Variants in FSTL4 observed in about 807,000 individuals in gnomAD.
FSTL4 encodes follistatin like 4.
A neutral mutation model predicts 78.2 loss-of-function variants in FSTL4; 28 were observed. The observed-to-expected ratio is 0.36, with a 90% CI of 0.27 to 0.49. FSTL4 has a LOEUF of 0.49. Ranked by LOEUF, FSTL4 falls within the 20% of genes least tolerant of loss-of-function variation. The pLI is 0.98. For synonymous variants in FSTL4, 422 were observed against 440.5 expected (o/e 0.96, Z 0.53); for missense variants, 922 against 1,084.9 (o/e 0.85, Z 2.11).
chr5:133,498,957 C>T (rs1357784868), intron 3 of FSTL4, among the ~76,000 whole-genome samples: 1 of 151,732 alleles, frequency 6.6e-6, no homozygotes, highest in African/African-American at 2.4e-5. Context: ...GAATCAATGC[C>T]TGGAATCCCA....
At chr5:133,828,176 G>A in the FSTL4 span, among the ~76,000 whole-genome samples, 2 of 152,188 alleles carry the variant, frequency 1.3e-5, no homozygotes, top group African/African-American at 4.8e-5. Context: ...AACAAGGAAG[G>A]CTTCGTGTGA....
intron 3 of FSTL4, among the ~76,000 whole-genome samples, chr5:133,556,244 G>C (rs1037843382): frequency 6.6e-6 from 1 of 152,158 alleles, no homozygotes; most frequent in Non-Finnish European, 1.5e-5. Context: ...GAGTACAAAA[G>C]GTCCTCATTT....
At chr5:133,760,932 G>A in the FSTL4 span, among the ~76,000 whole-genome samples, 69 of 152,256 alleles carry the variant, frequency 4.5e-4, no homozygotes, top group South Asian at 1.9e-3. Flanking sequence ...GAACAGCATG[G>A]CCAACTCCAG....
At chr5:133,450,259 A>G (rs1207914463) in intron 3 of FSTL4, among the ~76,000 whole-genome samples, 3 of 152,206 alleles carry the variant, frequency 2.0e-5, no homozygotes, top group Admixed American at 2.0e-4. Context: ...TGTAGGGTCC[A>G]TTCTCTTTAT....
At chr5:133,316,764 T>A in intron 4 of FSTL4, 112 bp from the exon 5 acceptor site, 1 of 811,768 alleles carries the variant, frequency 1.2e-6, no homozygotes. Flanking sequence ...GCGTTCACTA[T>A]GTGCAGTGCA....
intron 3 of FSTL4, among the ~76,000 whole-genome samples, chr5:133,452,515 C>T (rs1345285916): frequency 1.3e-5 from 2 of 152,260 alleles, no homozygotes; most frequent in Non-Finnish European, 2.9e-5. Context: ...CCACCACCAA[C>T]AACAGCTAAC....
At chr5:133,833,792 T>G in the FSTL4 span, among the ~76,000 whole-genome samples, 3 of 152,120 alleles carry the variant, frequency 2.0e-5, no homozygotes, top group South Asian at 2.1e-4. Flanking sequence ...AAACTAGGAG[T>G]TGGAAAAATA....
the FSTL4 span, among the ~76,000 whole-genome samples, chr5:133,706,090 G>A: frequency 6.6e-6 from 1 of 152,190 alleles, no homozygotes; most frequent in Non-Finnish European, 1.5e-5. Flanking sequence ...TAATAGGAAG[G>A]AGGTGAGCAC....
the FSTL4 span, among the ~76,000 whole-genome samples, chr5:133,835,162 T>A: frequency 6.6e-6 from 1 of 152,200 alleles, no homozygotes; most frequent in Non-Finnish European, 1.5e-5. Flanking sequence ...TGATTCTATA[T>A]CATCACTGCA....
chr5:133,595,362 A>C (rs1201266807), intron 2 of FSTL4, among the ~76,000 whole-genome samples: 1 of 152,240 alleles, frequency 6.6e-6, no homozygotes, highest in East Asian at 1.9e-4. Flanking sequence ...GGAGTCCCAA[A>C]ACTCAAGACA....
the FSTL4 span, among the ~76,000 whole-genome samples, chr5:133,740,659 A>G: frequency 1.2e-3 from 183 of 152,244 alleles, no homozygotes; most frequent in African/African-American, 4.3e-3. Flanking sequence ...ATTTATAAGA[A>G]CACTCCCTCT....
intron 4 of FSTL4, among the ~76,000 whole-genome samples, chr5:133,370,373 G>C (rs1755268362): frequency 6.6e-6 from 1 of 152,108 alleles, no homozygotes; most frequent in African/African-American, 2.4e-5. Flanking sequence ...CTCTCTAAAA[G>C]TGAAGCATCT....
At chr5:133,753,899 C>T in the FSTL4 span, among the ~76,000 whole-genome samples, 1 of 152,060 alleles carries the variant, frequency 6.6e-6, no homozygotes, top group Non-Finnish European at 1.5e-5. Context: ...GGTTCAAGTC[C>T]CAGTTATGCC....
chr5:133,410,829 T>G (rs1756463219), intron 3 of FSTL4, among the ~76,000 whole-genome samples: 1 of 152,218 alleles, frequency 6.6e-6, no homozygotes, highest in South Asian at 2.1e-4. Context: ...CCCTTGTCTC[T>G]CAACGGGATT....
the FSTL4 span, among the ~76,000 whole-genome samples, chr5:133,772,253 A>G: frequency 2.0e-5 from 3 of 152,358 alleles, no homozygotes; most frequent in East Asian, 5.8e-4. Flanking sequence ...TAGATGCCAT[A>G]TGTTATTTGT....
intron 3 of FSTL4, among the ~76,000 whole-genome samples, chr5:133,529,723 A>T (rs552973119): frequency 6.6e-6 from 1 of 152,284 alleles, no homozygotes; most frequent in South Asian, 2.1e-4. Flanking sequence ...GGCTCAGCAA[A>T]TGGTAAAGTT....
chr5:133,453,565 C>G (rs1757423269), intron 3 of FSTL4, among the ~76,000 whole-genome samples: 1 of 152,182 alleles, frequency 6.6e-6, no homozygotes, highest in South Asian at 2.1e-4. Flanking sequence ...GAGCTTAGAC[C>G]TTGGGGCCAG....
At chr5:133,393,896 A>G (rs67633057) in intron 4 of FSTL4, among the ~76,000 whole-genome samples, 41,590 of 152,266 alleles carry the variant, frequency 0.27, 6,204 homozygotes, top group Middle Eastern at 0.43. Flanking sequence ...CAGCAGTGGC[A>G]CACGAGGCCC....
intron 6 of FSTL4, among the ~76,000 whole-genome samples, chr5:133,261,268 G>A (rs1459257594): frequency 1.3e-5 from 2 of 152,090 alleles, no homozygotes; most frequent in African/African-American, 2.4e-5. Flanking sequence ...TCCTCAGAAC[G>A]CTGTCTTGAT....
Sources: allele counts gnomAD v4.1 joint callset (sites outside exome capture counted in the v4.1 genomes callset), GRCh38; gene constraint gnomAD v4.1.1; transcripts MANE v1.5; gene names NCBI Gene and HGNC (gene_info 2026-07-23, HGNC 2026-07-21).